TNRC6A: variants seen among roughly 807,000 people sequenced by gnomAD.
TNRC6A encodes trinucleotide repeat containing adaptor 6A, also known as trinucleotide repeat-containing gene 6A protein.
Under a neutral mutation model 221.2 loss-of-function variants are expected in TNRC6A, and 44 were observed. The observed-to-expected ratio is 0.20, with a 90% CI of 0.16 to 0.26. The LOEUF is 0.26. Among genes scored for constraint, TNRC6A ranks in the 10% least tolerant of loss-of-function variants. The pLI is 1.00. For missense variants in TNRC6A, 2,199 were observed against 2,404.4 expected (o/e 0.91, Z 1.79); for synonymous variants, 847 against 838.5 (o/e 1.01, Z -0.18).
intron 5 of TNRC6A, among the ~76,000 whole-genome samples, chr16:24,783,238 C>T (rs959200368): frequency 1.3e-5 from 2 of 152,044 alleles, no homozygotes; most frequent in Admixed American, 6.6e-5. Context: ...AAGCAATTCT[C>T]CTGCTTCAGC....
At chr16:24,821,624 G>A (rs2152113314) in intron 22 of TNRC6A, among the ~76,000 whole-genome samples, 1 of 152,288 alleles carries the variant, frequency 6.6e-6, no homozygotes, top group East Asian at 1.9e-4. Context: ...AGGCCAGATG[G>A]GGAGCCCCTG....
In TNRC6A at chr16:24,789,212, G is replaced by A. The variant is rs778661208; in HGVS notation, c.590-20G>A. The A allele has an allele frequency of 4.5e-6, 7 of 1,543,714 alleles. No individual in the cohort carries two copies. The African/African-American group carries it at 6.9e-5, about 15-fold the overall frequency. On this transcript the variant is annotated intron_variant, in intron 5 of 24. Transcript: ENST00000395799. ...ATGGCCTAACACTTTATAAATAGTT[G>A]TACTTCTCCTTTATCCTAGATATAA... is the stretch of plus-strand genomic sequence containing the variant.
intron 22 of TNRC6A, chr16:24,821,767 T>G (rs2058770290): frequency 2.6e-6 from 1 of 381,224 alleles, no homozygotes; most frequent in Non-Finnish European, 4.8e-6. Context: ...TGGTACCGTT[T>G]GAGATTATTT....
intron 2 of TNRC6A, among the ~76,000 whole-genome samples, chr16:24,690,319 A>C (rs1214069824): frequency 1.3e-5 from 2 of 152,064 alleles, no homozygotes; most frequent in Non-Finnish European, 2.9e-5. Context: ...CAAGAAAAAA[A>C]AATTTTAATG....
chr16:24,628,747 G>A (rs1241613795), intron 1 of TNRC6A, among the ~76,000 whole-genome samples: 1 of 152,150 alleles, frequency 6.6e-6, no homozygotes, highest in Non-Finnish European at 1.5e-5. Flanking sequence ...TAGTCTATTA[G>A]TAGTTCAGTT....
rs2057726820 is a variant in TNRC6A at position 24,776,762 on chromosome 16, A to C, written c.164-171A>C. On this transcript the variant is annotated intron_variant, in intron 4 of 24. Coordinates refer to ENST00000395799, the MANE Select transcript of TNRC6A (RefSeq NM_014494.4). ...GCAGAAGTGAAATATGACTCTTGGC[A>C]GTGACATCTCCTAACAAAATTTGAG... 6.1e-6 allele frequency: 6 copies of C among 985,420 alleles called. No homozygotes were observed. The South Asian group carries it at 2.3e-4, about 39-fold the overall frequency. The allele number at this position is 985,420 out of a possible 1,614,324, so 61.0% of individuals were successfully genotyped here. A position where few individuals can be genotyped will look rare whatever the true frequency, so the allele number is the denominator to read the frequency against.
At chr16:24,744,760 C>G (rs1028018877) in intron 2 of TNRC6A, among the ~76,000 whole-genome samples, 3 of 152,176 alleles carry the variant, frequency 2.0e-5, no homozygotes, top group African/African-American at 7.2e-5. Flanking sequence ...GCCACTCTGT[C>G]TGTTGTCCTC....
chr16:24,809,613 A>G (rs989020832), intron 18 of TNRC6A, 132 bp downstream of exon 18: 2 of 1,186,718 alleles, frequency 1.7e-6, no homozygotes, highest in African/African-American at 3.1e-5. Context: ...TCATTTAAAA[A>G]AAGTTGTTAT....
chr16:24,699,012 T>C (rs2055917420), intron 2 of TNRC6A, among the ~76,000 whole-genome samples: 1 of 152,072 alleles, frequency 6.6e-6, no homozygotes. Context: ...CCTGGCCCTT[T>C]GGGGAGAATT....
chr16:24,729,901 G>A (rs886557426), intron 1 of TNRC6A, 55 bp downstream of exon 1: 9 of 1,222,488 alleles, frequency 7.4e-6, no homozygotes. Context: ...CGCTGCCGCA[G>A]GGCCCGCAAC....
intron 2 of TNRC6A, among the ~76,000 whole-genome samples, chr16:24,712,090 A>G (rs918913217): frequency 3.3e-5 from 5 of 152,242 alleles, no homozygotes; most frequent in African/African-American, 9.6e-5. Flanking sequence ...ATGCACATGC[A>G]GGAGAATGAA....
intron 2 of TNRC6A, among the ~76,000 whole-genome samples, chr16:24,650,947 T>C (rs1048856153): frequency 2.0e-5 from 3 of 152,174 alleles, no homozygotes; most frequent in Non-Finnish European, 2.9e-5. Flanking sequence ...ATTAGCTACA[T>C]TGCTAGTGCT....
chr16:24,636,656 CTT>C (rs1901651331), intron 1 of TNRC6A, among the ~76,000 whole-genome samples: 1 of 151,956 alleles, frequency 6.6e-6, no homozygotes, highest in African/African-American at 2.4e-5. Flanking sequence ...AAGCCTGGCT[CTT>C]TGTTTTATTT....
intron 5 of TNRC6A, among the ~76,000 whole-genome samples, chr16:24,781,043 CTTTTTTTTTTTTTTT>C (rs35502747): frequency 3.7e-5 from 2 of 53,426 alleles, no homozygotes; most frequent in Non-Finnish European, 6.1e-5. Flanking sequence ...CCTCCATACT[CTTTTTTTTTTTTTTT>C]TTTTTTTTTT....
intron 1 of TNRC6A, among the ~76,000 whole-genome samples, chr16:24,624,735 C>T (rs1051656052): frequency 2.2e-4 from 34 of 152,206 alleles, no homozygotes; most frequent in African/African-American, 6.5e-4. Flanking sequence ...CCTCCTGCCT[C>T]GGCCTCCCAA....
At chr16:24,800,933 GCTA>G (rs1218764109) in intron 11 of TNRC6A, among the ~76,000 whole-genome samples, 1 of 152,130 alleles carries the variant, frequency 6.6e-6, no homozygotes, top group Non-Finnish European at 1.5e-5. Context: ...GTACCAGCTG[GCTA>G]AGGAAAAAAT....
rs2058811600 is a variant in TNRC6A, at chr16:24,823,536, A to G, written c.5618A>G (p.Gln1873Arg). The change falls in exon 25 of 25, where the codon CAG (glutamine) becomes CGG (arginine). Residue 1873 changes from glutamine to arginine, a missense_variant. Around this residue, in one of 8 missense-constraint regions of TNRC6A, gnomAD observed 130 missense variants for 121.7 expected, o/e 1.07. Coordinates refer to ENST00000395799, the MANE Select transcript of TNRC6A (RefSeq NM_014494.4). The surrounding 1 kb of genome is among the most constrained non-coding windows in gnomAD (Gnocchi z 4.3). Reference protein sequence around the residue: ...SQSLTPSPGWQSLGSSQSRLG... With the variant: ...SQSLTPSPGWRSLGSSQSRLG... Reference sequence around the variant, plus strand: ...TCTCTGACCCCTTCTCCCGGCTGGCAGTCTCTCGGGTCCAGCCAGAGCCGG... The same window carrying G: ...TCTCTGACCCCTTCTCCCGGCTGGCGGTCTCTCGGGTCCAGCCAGAGCCGG... The G allele has an allele frequency of 6.2e-7, 1 of 1,614,182 alleles. No individual in the cohort carries two copies. Among genetic ancestry groups the G allele is most frequent in the Non-Finnish European group, 8.5e-7 (1 of 1,180,032 alleles).
At chr16:24,679,526 G>C (rs897870514) in intron 2 of TNRC6A, among the ~76,000 whole-genome samples, 1 of 151,956 alleles carries the variant, frequency 6.6e-6, no homozygotes, top group Non-Finnish European at 1.5e-5. Flanking sequence ...GCCCAGGCTG[G>C]AGTGCAGTGG....
chr16:24,623,541 C>G (rs1183262567), intron 1 of TNRC6A, among the ~76,000 whole-genome samples: 2 of 152,018 alleles, frequency 1.3e-5, no homozygotes, highest in Non-Finnish European at 2.9e-5. Flanking sequence ...GCAGGGCCCA[C>G]TACAGAATTT....
Sources: gnomAD v4.1 joint callset for allele counts (sites outside exome capture counted in the v4.1 genomes callset) on GRCh38, gnomAD v4.1.1 for gene constraint, gnomAD v4.1.1 regional missense constraint, Gnocchi (gnomAD v3.1) non-coding constraint, MANE v1.5 for transcripts, NCBI Gene and HGNC (gene_info 2026-07-23, HGNC 2026-07-21) for gene names.